Variants in NCAPG observed in about 807,000 individuals in gnomAD.
The protein encoded by NCAPG is condensin complex subunit 3.
NCAPG carries 69 observed loss-of-function variants against 113.1 expected under a neutral mutation model. The ratio of observed to expected loss-of-function variants is 0.61; its 90% CI spans 0.50 to 0.75. The LOEUF (loss-of-function observed/expected upper bound fraction) is 0.75, where lower values mean the gene tolerates loss of function less well. Ranked by LOEUF, NCAPG falls within the 30% of genes least tolerant of loss-of-function variation. The probability of loss-of-function intolerance (pLI) is 0.00; values close to 1 mark genes in which losing one functional copy is unlikely to be tolerated. For synonymous variants in NCAPG, 370 were observed against 415.8 expected, an observed-to-expected ratio of 0.89 and a Z score of 1.34; for missense variants, 1,058 against 1,177.0, an observed-to-expected ratio of 0.90 and a Z score of 1.48.
At chr4:17,817,726 C>G (rs1721272328) in intron 6 of NCAPG, among the ~76,000 whole-genome samples, 1 of 152,152 alleles carries the variant, frequency 6.6e-6, no homozygotes, top group Non-Finnish European at 1.5e-5. Context: ...ATGAGAAAAT[C>G]CAGCAACATG....
At chr4:17,817,525 C>G (rs1721262190) in intron 6 of NCAPG, 72 bp downstream of exon 6, 1 of 1,231,460 alleles carries the variant, frequency 8.1e-7, no homozygotes, top group African/African-American at 1.5e-5. Flanking sequence ...TTTTTCCTCC[C>G]CATAGCTTAA....
rs755046214 is a variant in NCAPG at position 17,828,323 on chromosome 4, C to T, written c.1699C>T (p.Leu567=). The part of the protein sequence containing the change: ...LQKCLILCYE[L]LKQMSISTGL... The stretch of plus-strand genomic sequence containing the variant: ...GAAATGTCTTATTTTATGCTATGAA[C>T]TGTTGAAGCAGATGTCCATTTCAAC... Residue 567 remains leucine (L), a synonymous_variant, in exon 12 of 21, where the codon CTG becomes TTG. Transcript: ENST00000251496. 3 of 1,609,780 alleles carry T rather than the reference C, an allele frequency of 1.9e-6. No homozygotes were observed. In the South Asian group the frequency reaches 3.3e-5, roughly 18 times the overall value.
chr4:17,825,084 G>C, intron 10 of NCAPG, 27 bp downstream of exon 10: 1 of 1,543,676 alleles, frequency 6.5e-7, no homozygotes, highest in Non-Finnish European at 8.9e-7. Flanking sequence ...TGAAAGAAGT[G>C]CTTGAGTGTA....
Position 17,811,393 on chromosome 4 carries a change from G to A in NCAPG, c.111+205G>A, listed in dbSNP as rs2109039144. 6.6e-6 allele frequency among the ~76,000 whole-genome samples: 1 copy of A among 152,332 alleles called. No individual in the cohort carries two copies. Among genetic ancestry groups the A allele is most frequent in the East Asian group, 1.9e-4 (1 of 5,174 alleles). On this transcript the variant is annotated intron_variant, in intron 1 of 20. Transcript: ENST00000251496. This position sits in a 1 kb window ranked among gnomAD's most constrained non-coding sequence, Gnocchi z 5.3. ...CAGGCCAGAAAGCCTCCGAAGCCTG[G>A]GCGTCGTTCACACGGGCCCCGCCTT...
Position 17,840,667 on chromosome 4 carries a change from A to G in NCAPG, c.2828A>G (p.Lys943Arg), listed in dbSNP as rs1239978027. 8 of 1,556,620 alleles carry G rather than the reference A, an allele frequency of 5.1e-6. No homozygotes were observed. Among genetic ancestry groups the G allele is most frequent in the Non-Finnish European group, 6.9e-6 (8 of 1,153,172 alleles). Residue 943 changes from lysine to arginine, a missense_variant, in exon 19 of 21, where the codon AAG becomes AGG. Lys to Arg is a conservative substitution (Grantham distance 26). Coordinates refer to ENST00000251496, the MANE Select transcript of NCAPG (RefSeq NM_022346.5). ...LRGVKATQAS[K>R]STQLKTNRGQ... ...GGTGTAAAAGCAACCCAAGCATCAA[A>G]GTCTACTCAGCTAAAGACTAACAGA...
At chr4:17,827,643 T>C (rs1295194235) in intron 11 of NCAPG, among the ~76,000 whole-genome samples, 1 of 152,100 alleles carries the variant, frequency 6.6e-6, no homozygotes, top group Non-Finnish European at 1.5e-5. Flanking sequence ...TTTGGACATG[T>C]TGAGTTTGAG....
In NCAPG at chr4:17,843,460, G is replaced by C; in HGVS notation, c.*35G>C. On this transcript the variant is annotated 3_prime_UTR_variant, in exon 21 of 21. Transcript: ENST00000251496. ...TGGAGGTGGAATCCTTTAAGATTAT[G>C]TCCAGTTATTTGCTTTAATAAAGAA... The C allele has an allele frequency of 1.2e-6, 2 of 1,601,832 alleles. No homozygotes were observed. Among genetic ancestry groups the C allele is most frequent in the Non-Finnish European group, 1.7e-6 (2 of 1,172,700 alleles).
intron 16 of NCAPG, 101 bp downstream of exon 16, chr4:17,837,902 C>T: frequency 1.5e-6 from 2 of 1,294,872 alleles, no homozygotes; most frequent in South Asian, 1.2e-5. Context: ...GGTCTTTAGA[C>T]TTCTGTCTCA....
chr4:17,819,767 C>T (rs1025548182), intron 7 of NCAPG, among the ~76,000 whole-genome samples: 92 of 151,448 alleles, frequency 6.1e-4, no homozygotes, highest in African/African-American at 1.9e-3. Flanking sequence ...GTATGAAGTA[C>T]AGTTCTCTGC....
intron 7 of NCAPG, among the ~76,000 whole-genome samples, chr4:17,822,190 CTTTTTT>C (rs1159844034): frequency 8.9e-6 from 1 of 111,748 alleles, no homozygotes; most frequent in African/African-American, 3.3e-5. Flanking sequence ...AAGATTAAAT[CTTTTTT>C]TTTTTTTTTT....
chr4:17,842,207 G>T, intron 19 of NCAPG, 103 bp from the exon 20 acceptor site: 1 of 942,194 alleles, frequency 1.1e-6, no homozygotes, highest in South Asian at 1.4e-5. Context: ...GTGTTGAAAG[G>T]ATTGTTGTGT....
intron 17 of NCAPG, 75 bp downstream of exon 17, chr4:17,839,912 G>C (rs1722275434): frequency 6.8e-7 from 1 of 1,464,138 alleles, no homozygotes. Flanking sequence ...GGTTGTATTA[G>C]ATTATACATA....
chr4:17,842,083 C>A, intron 19 of NCAPG: 1 of 416,712 alleles, frequency 2.4e-6, no homozygotes, highest in Non-Finnish European at 4.4e-6. Context: ...CCTTATTTTC[C>A]CTTACTCATT....
intron 13 of NCAPG, among the ~76,000 whole-genome samples, chr4:17,833,660 CTG>C (rs1721967881): frequency 6.6e-6 from 1 of 151,294 alleles, no homozygotes; most frequent in Admixed American, 6.6e-5. Flanking sequence ...ATACTGAGCT[CTG>C]TATTTTTTTC....
At position 17,823,275 on chromosome 4, in the gene NCAPG, A is replaced by C; in HGVS notation, c.1259+152A>C. 10 of 605,996 alleles carry C rather than the reference A, an allele frequency of 1.7e-5. No individual in the cohort carries two copies. In the South Asian group the frequency reaches 2.4e-4, roughly 14 times the overall value. 37.5% of individuals were successfully genotyped at this position (605,996 alleles called of 1,614,324 possible). ...TTCCCTTCTACATATTTCCATATATACACATACATTTATATTTCTAGTTCA... is the reference window on the plus strand; with the variant it reads ...TTCCCTTCTACATATTTCCATATATCCACATACATTTATATTTCTAGTTCA... On this transcript the variant is annotated intron_variant, in intron 8 of 20. Transcript: ENST00000251496.
intron 3 of NCAPG, among the ~76,000 whole-genome samples, chr4:17,814,032 A>T (rs1204261724): frequency 3.9e-5 from 6 of 152,196 alleles, no homozygotes; most frequent in African/African-American, 1.4e-4. Flanking sequence ...TGTGAGAAGT[A>T]CAGATAAATA....
chr4:17,823,906 A>T, intron 9 of NCAPG, 136 bp downstream of exon 9: 1 of 659,670 alleles, frequency 1.5e-6, no homozygotes, highest in Non-Finnish European at 2.5e-6. Context: ...AAAATTTCTT[A>T]AAACCATTAT....
chr4:17,843,195 C>CAATT lies in NCAPG; in HGVS notation c.2925-104_2925-101dup, dbSNP rs1465652964. On this transcript the variant is annotated intron_variant, in intron 20 of 20. Transcript: ENST00000251496. ...AGCTAAGTCAATGGAATCAGGCTAT[C>CAATT]AATTAAACACTGATAGAATGTGAGT... 3 of 1,209,710 alleles carry CAATT rather than the reference C, an allele frequency of 2.5e-6. No homozygotes were observed. In the African/African-American group the frequency reaches 4.6e-5, roughly 19 times the overall value. 74.9% of individuals were successfully genotyped at this position (1,209,710 alleles called of 1,614,324 possible). A position where few individuals can be genotyped will look rare whatever the true frequency, so the allele number is the denominator to read the frequency against.
intron 19 of NCAPG, 27 bp downstream of exon 19, chr4:17,840,720 G>T: frequency 7.2e-7 from 1 of 1,387,326 alleles, no homozygotes; most frequent in Non-Finnish European, 9.5e-7. Flanking sequence ...CCATCTTTAT[G>T]ATAAAAGTTT....
Sources: gnomAD v4.1 joint callset for allele counts (sites outside exome capture counted in the v4.1 genomes callset) on GRCh38, gnomAD v4.1.1 for gene constraint, Gnocchi (gnomAD v3.1) non-coding constraint, MANE v1.5 for transcripts, NCBI Gene and HGNC (gene_info 2026-07-23, HGNC 2026-07-21) for gene names.